The following PLCE1 variants were observed in gnomAD, a reference collection of about 807,000 sequenced individuals.
PLCE1 encodes 1-phosphatidylinositol 4,5-bisphosphate phosphodiesterase epsilon-1.
Under a neutral mutation model 242.8 loss-of-function variants are expected in PLCE1, and 119 were observed. The ratio of observed to expected loss-of-function variants is 0.49; its 90% CI spans 0.42 to 0.57. The LOEUF is 0.57. PLCE1 is among the 20% of genes least tolerant of loss of function. The pLI is 0.00. For synonymous variants in PLCE1, 945 were observed against 1,017.4 expected, an observed-to-expected ratio of 0.93 and a Z score of 1.35; for missense variants, 2,441 against 2,788.8, an observed-to-expected ratio of 0.88 and a Z score of 2.81.
intron 4 of PLCE1, among the ~76,000 whole-genome samples, chr10:94,171,839 A>G (rs773879483): frequency 2.6e-5 from 4 of 151,882 alleles, no homozygotes; most frequent in Non-Finnish European, 4.4e-5. Flanking sequence ...TTAAAACCAC[A>G]TGTCTCAATT....
At chr10:94,171,745 C>A (rs377251011) in intron 4 of PLCE1, among the ~76,000 whole-genome samples, 44 of 152,216 alleles carry the variant, frequency 2.9e-4, no homozygotes, top group African/African-American at 7.0e-4. Context: ...CCCAGTCCAC[C>A]AATCCTAGTC....
chr10:94,239,566 G>A (rs556065789), intron 7 of PLCE1, among the ~76,000 whole-genome samples: 1 of 152,210 alleles, frequency 6.6e-6, no homozygotes, highest in Admixed American at 6.5e-5. Context: ...GTGTGAAAAT[G>A]GACTAATACA....
chr10:94,090,593 A>G (rs1238221158), intron 2 of PLCE1, among the ~76,000 whole-genome samples: 1 of 152,154 alleles, frequency 6.6e-6, no homozygotes, highest in African/African-American at 2.4e-5. Context: ...TGGTAGATGG[A>G]TAGATGCAGG....
chr10:94,237,249 G>A (rs1207431994), intron 7 of PLCE1, among the ~76,000 whole-genome samples: 1 of 152,134 alleles, frequency 6.6e-6, no homozygotes, highest in Non-Finnish European at 1.5e-5. Flanking sequence ...TCTTTTTAAA[G>A]AGCCTTCATC....
Position 94,259,111 on chromosome 10 carries a change from A to C in PLCE1, c.3775A>C (p.Thr1259Pro). Residue 1259 changes from threonine (T) to proline (P), a missense_variant, in exon 13 of 33, where the codon ACA becomes CCA. By Grantham distance (38) the Thr-to-Pro change is conservative. Transcript: ENST00000371380. Reference sequence around the variant, plus strand: ...GTCAGCCCCACTCTACACCAACCTGACAATTGATGAAAACACCAGCGATCT... The same window carrying C: ...GTCAGCCCCACTCTACACCAACCTGCCAATTGATGAAAACACCAGCGATCT... ...SESAPLYTNL[T>P]IDENTSDLQP... 2 of 1,614,048 alleles carry C rather than the reference A, an allele frequency of 1.2e-6. No individual in the cohort carries two copies. The highest frequency in any genetic ancestry group is 1.7e-6 in the Non-Finnish European group (2 of 1,179,972).
intron 5 of PLCE1, among the ~76,000 whole-genome samples, chr10:94,230,248 G>A (rs1429404598): frequency 6.6e-6 from 1 of 152,010 alleles, no homozygotes; most frequent in Non-Finnish European, 1.5e-5. Context: ...AACAACAATA[G>A]GAAAATAGTT....
At chr10:94,134,503 T>C (rs557249057) in intron 3 of PLCE1, among the ~76,000 whole-genome samples, 2 of 152,340 alleles carry the variant, frequency 1.3e-5, no homozygotes, top group South Asian at 2.1e-4. Context: ...ATGATAAGTA[T>C]GTAAAGCATA....
intron 5 of PLCE1, among the ~76,000 whole-genome samples, chr10:94,232,300 A>G (rs1302802451): frequency 6.6e-6 from 1 of 152,252 alleles, no homozygotes; most frequent in African/African-American, 2.4e-5. Flanking sequence ...CTAAATCAAA[A>G]TTTTAATATC....
At chr10:94,220,193 TACACACACACATAC>T (rs896599041) in intron 4 of PLCE1, among the ~76,000 whole-genome samples, 11 of 148,868 alleles carry the variant, frequency 7.4e-5, no homozygotes, top group Admixed American at 1.3e-4. Context: ...CATACATACA[TACACACACACATAC>T]ACACACACAC....
chr10:94,132,778 A>C (rs922948840), intron 3 of PLCE1, among the ~76,000 whole-genome samples: 1 of 152,066 alleles, frequency 6.6e-6, no homozygotes, highest in Non-Finnish European at 1.5e-5. Context: ...GTGGAACACC[A>C]TCTCTACTAA....
chr10:94,305,937 T>C (rs7099485), intron 25 of PLCE1, among the ~76,000 whole-genome samples: 50,935 of 152,024 alleles, frequency 0.34, 8,871 homozygotes, highest in Middle Eastern at 0.48. Flanking sequence ...AGGCTTTTCA[T>C]ATGATTCCAG....
chr10:94,296,340 T>G (rs199581069), intron 23 of PLCE1, among the ~76,000 whole-genome samples: 1 of 141,380 alleles, frequency 7.1e-6, no homozygotes, highest in African/African-American at 2.7e-5. Context: ...CACTCCAACT[T>G]GGGCGACAGA....
At chr10:94,189,011 A>T (rs139364681) in intron 4 of PLCE1, among the ~76,000 whole-genome samples, 12,436 of 148,638 alleles carry the variant, frequency 0.084, 936 homozygotes, top group African/African-American at 0.21. Flanking sequence ...AAAAAAAAAA[A>T]AAAAAAAAAA....
intron 1 of PLCE1, among the ~76,000 whole-genome samples, chr10:94,009,848 G>T (rs1037294552): frequency 6.6e-6 from 1 of 152,218 alleles, no homozygotes; most frequent in East Asian, 1.9e-4. Context: ...GGCTGCTCTC[G>T]CAGGTTGGAG....
chr10:94,144,474 C>T (rs2047058104), intron 3 of PLCE1, among the ~76,000 whole-genome samples: 1 of 152,168 alleles, frequency 6.6e-6, no homozygotes, highest in African/African-American at 2.4e-5. Flanking sequence ...GATATCCTTC[C>T]ATTCTTTGAT....
At chr10:94,299,637 C>G (rs1350996136) in intron 24 of PLCE1, among the ~76,000 whole-genome samples, 2 of 152,238 alleles carry the variant, frequency 1.3e-5, no homozygotes, top group East Asian at 1.9e-4. Flanking sequence ...CCAATCTCAT[C>G]TAACCATGCT....
intron 2 of PLCE1, among the ~76,000 whole-genome samples, chr10:94,114,402 C>T (rs112511322): frequency 2.0e-5 from 3 of 152,312 alleles, no homozygotes; most frequent in African/African-American, 7.2e-5. Flanking sequence ...CTCAGGCTAA[C>T]AGTCTGATCT....
In PLCE1 at chr10:94,246,530, T is replaced by C; in HGVS notation, c.3005T>C (p.Leu1002Ser). The C allele has an allele frequency of 1.2e-6, 2 of 1,614,120 alleles. No homozygotes were observed. The highest frequency in any genetic ancestry group is 1.7e-6 in the Non-Finnish European group (2 of 1,179,982). Residue 1002 changes from leucine to serine, a missense_variant, in exon 8 of 33, where the codon TTA (leucine) becomes TCA (serine). By Grantham distance (145) the Leu-to-Ser change is moderately radical (BLOSUM62 -2). Around this residue, in one of 5 missense-constraint regions of PLCE1, gnomAD observed 1,004 missense variants for 1,322.7 expected, o/e 0.76. Coordinates refer to ENST00000371380, the MANE Select transcript of PLCE1 (RefSeq NM_016341.4). ...ACAGCTAAAATGCTCTTCAGCGGAT[T>C]ATTGGAACTCACTAGAGCTGTGAGA... is the stretch of plus-strand genomic sequence containing the variant. ...KHTAKMLFSG[L>S]LELTRAVRKM...
In PLCE1 at chr10:94,283,852, A is replaced by C; in HGVS notation, c.4858A>C (p.Asn1620His). Residue 1620 changes from asparagine (N) to histidine (H), a missense_variant, in exon 21 of 33, where the codon AAT (asparagine) becomes CAT (histidine). Asn to His is a moderately conservative substitution (Grantham distance 68). Coordinates refer to ENST00000371380, the MANE Select transcript of PLCE1 (RefSeq NM_016341.4). ...TAATGACAAGCTTCAGTTTGAATAT[A>C]ATGAAGAAATCCCAAAGAGGATAAA... ...SCNDKLQFEY[N>H]EEIPKRIKKA... The C allele has an allele frequency of 6.2e-7, 1 of 1,612,360 alleles. No individual in the cohort carries two copies. Among genetic ancestry groups the C allele is most frequent in the South Asian group, 1.1e-5 (1 of 91,016 alleles).
Sources: allele counts gnomAD v4.1 joint callset (sites outside exome capture counted in the v4.1 genomes callset), GRCh38; gene constraint gnomAD v4.1.1; regional missense constraint gnomAD v4.1.1; transcripts MANE v1.5; gene names NCBI Gene and HGNC (gene_info 2026-07-23, HGNC 2026-07-21).